Variants in ZSCAN31 observed in about 807,000 individuals in gnomAD.
The protein encoded by ZSCAN31 is zinc finger and SCAN domain containing 31, also known as zinc finger and SCAN domain-containing protein 31.
A neutral mutation model predicts 22.5 loss-of-function variants in ZSCAN31; 14 were observed. The observed-to-expected ratio is 0.62, with a 90% CI of 0.41 to 0.97. The LOEUF (loss-of-function observed/expected upper bound fraction) is 0.97, where lower values mean the gene tolerates loss of function less well. Among genes scored for constraint, ZSCAN31 ranks in the 50% least tolerant of loss-of-function variants. The pLI is 0.00. For synonymous variants in ZSCAN31, 168 were observed against 169.8 expected, an observed-to-expected ratio of 0.99 and a Z score of 0.08; for missense variants, 424 against 483.4, an observed-to-expected ratio of 0.88 and a Z score of 1.15.
At chr6:28,335,126 G>A (rs749695739) in intron 1 of ZSCAN31, among the ~76,000 whole-genome samples, 1 of 152,072 alleles carries the variant, frequency 6.6e-6, no homozygotes, top group African/African-American at 2.4e-5. Context: ...CCTGTGAAAG[G>A]GCTACCTAGC....
intron 1 of ZSCAN31, chr6:28,353,968 ATATGATTT>A: frequency 2.2e-6 from 1 of 454,726 alleles, no homozygotes; most frequent in Non-Finnish European, 4.4e-6. Flanking sequence ...GGCAGGTAAA[ATATGATTT>A]TATTCAGCAG....
chr6:28,336,166 C>G (rs1764153162), upstream of ZSCAN31: 1 of 152,344 alleles, frequency 6.6e-6, no homozygotes. Context: ...GGAAATGCGT[C>G]AGCCGTTCTG....
intron 3 of ZSCAN31, among the ~76,000 whole-genome samples, chr6:28,341,338 G>T (rs1428868633): frequency 6.6e-6 from 1 of 152,174 alleles, no homozygotes; most frequent in Non-Finnish European, 1.5e-5. Flanking sequence ...CCAAGGCCAA[G>T]GCAATAGCAG....
chr6:28,348,126 G>A (rs1395748187), intron 2 of ZSCAN31, among the ~76,000 whole-genome samples: 1 of 151,854 alleles, frequency 6.6e-6, no homozygotes, highest in East Asian at 1.9e-4. Flanking sequence ...CTGATCCTTT[G>A]TTGACTATAT....
chr6:28,347,155 C>T lies in ZSCAN31; in HGVS notation c.-370-5363G>A, dbSNP rs1411655675. ...GCTGGAGCCTCTCTTGTAACTGCAC[C>T]ACAGTTCAACTACTCTGCCTAGCCC... On this transcript the variant is annotated intron_variant, in intron 2 of 7. Transcript: ENST00000396838. This position sits in a 1 kb window ranked among gnomAD's most constrained non-coding sequence, Gnocchi z 5.2. Among the ~76,000 whole-genome samples the T allele has an allele frequency of 1.3e-5, 2 of 152,160 alleles. No homozygotes were observed. The highest frequency in any genetic ancestry group is 2.9e-5 in the Non-Finnish European group (2 of 68,018).
chr6:28,352,347 G>A (rs1357984686), intron 2 of ZSCAN31, among the ~76,000 whole-genome samples: 8 of 152,038 alleles, frequency 5.3e-5, no homozygotes, highest in African/African-American at 1.9e-4. Flanking sequence ...CCATCTCCCA[G>A]GCTCAAGTGA....
chr6:28,348,294 A>G (rs1764735728), intron 2 of ZSCAN31, among the ~76,000 whole-genome samples: 1 of 152,158 alleles, frequency 6.6e-6, no homozygotes, highest in South Asian at 2.1e-4. Context: ...ATCTTGTTTT[A>G]CTTGAGCTCA....
Position 28,345,453 on chromosome 6 carries a change from G to A in ZSCAN31, c.-370-3661C>T, listed in dbSNP as rs192010356. On this transcript the variant is annotated intron_variant, in intron 2 of 7. Coordinates refer to the ZSCAN31 transcript ENST00000396838. ...GGAGGCTATCTATGCCTAACAGCAT[G>A]GTCCCTCCCCGCTCAGTGGTGCCTG... is the stretch of plus-strand genomic sequence containing the variant. Among the ~76,000 whole-genome samples the A allele has an allele frequency of 3.9e-5, 6 of 152,276 alleles. No individual in the cohort carries two copies. The East Asian group carries it at 1.2e-3, about 29-fold the overall frequency.
upstream of ZSCAN31, chr6:28,356,181 A>T (rs1765409639): frequency 6.6e-6 from 1 of 152,244 alleles, no homozygotes; most frequent in Admixed American, 6.5e-5. Flanking sequence ...GTCAGTTCCC[A>T]ATCAAACAGG....
chr6:28,331,475 T>G lies in ZSCAN31; in HGVS notation c.-95-1697A>C, dbSNP rs1359405406. On this transcript the variant is annotated intron_variant, in intron 1 of 3. Transcript: ENST00000344279. The surrounding 1 kb of genome is among the most constrained non-coding windows in gnomAD (Gnocchi z 4.8). ...GGAACGGTCCCTAACTTTATGGTAT[T>G]TACCATGGGAAAGACAGACCTTAAT... Among the ~76,000 whole-genome samples the G allele has an allele frequency of 6.6e-6, 1 of 152,198 alleles. No homozygotes were observed. Among genetic ancestry groups the G allele is most frequent in the Non-Finnish European group, 1.5e-5 (1 of 68,026 alleles).
intron 1 of ZSCAN31, among the ~76,000 whole-genome samples, chr6:28,330,640 C>T (rs1284577239): frequency 1.3e-5 from 2 of 152,104 alleles, no homozygotes; most frequent in East Asian, 1.9e-4. Context: ...ACACTCTGGT[C>T]CCAAGCATTT....
chr6:28,343,629 T>C (rs1002713742), intron 2 of ZSCAN31, among the ~76,000 whole-genome samples: 8 of 146,288 alleles, frequency 5.5e-5, no homozygotes, highest in Non-Finnish European at 1.0e-4. Context: ...CTGCAAGCTC[T>C]GCCTCCCGGG....
chr6:28,340,926 C>T (rs370328381), upstream of ZSCAN31, among the ~76,000 whole-genome samples: 3 of 152,072 alleles, frequency 2.0e-5, no homozygotes, highest in South Asian at 2.1e-4. Flanking sequence ...GGTTGGTTGG[C>T]TTGCAGTGCA....
intron 3 of ZSCAN31, 133 bp from the exon 4 acceptor site, chr6:28,326,987 T>C (rs1475897969): frequency 2.1e-6 from 2 of 962,918 alleles, no homozygotes; most frequent in African/African-American, 1.7e-5. Flanking sequence ...AAGGAGCAGG[T>C]TGGGTTAAAC....
Position 28,326,855 on chromosome 6 carries a change from C to G in ZSCAN31, c.533-1G>C. The G allele has an allele frequency of 6.2e-7, 1 of 1,604,672 alleles. No individual in the cohort carries two copies. On this transcript the variant is annotated splice_acceptor_variant, in intron 3 of 3. Transcript: ENST00000344279. LOFTEE classifies it high-confidence loss of function. ...TGGTTCTCAGGTATACTTTCACCAT[C>G]TGGAATAATAAATGGACCAAACAAT...
At chr6:28,329,089 C>T (rs1394352369) in intron 2 of ZSCAN31, among the ~76,000 whole-genome samples, 1 of 152,212 alleles carries the variant, frequency 6.6e-6, no homozygotes, top group African/African-American at 2.4e-5. Flanking sequence ...CTGAGGCCCC[C>T]TACCAACAAT....
intron 2 of ZSCAN31, among the ~76,000 whole-genome samples, chr6:28,353,077 T>C (rs907045770): frequency 5.9e-5 from 9 of 151,666 alleles, no homozygotes; most frequent in African/African-American, 1.9e-4. Flanking sequence ...CAAGCGATTC[T>C]CCTGCCTCAG....
chr6:28,347,937 G>A lies in ZSCAN31; in HGVS notation c.-371+5925C>T, dbSNP rs1035969636. Among the ~76,000 whole-genome samples the A allele has an allele frequency of 6.6e-6, 1 of 152,140 alleles. No individual in the cohort carries two copies. ...TATTACTCAGGTGTTGGTATAAAATGATTTAAAATTTGCCTTTATTTAATT... is the reference window on the plus strand; with the variant it reads ...TATTACTCAGGTGTTGGTATAAAATAATTTAAAATTTGCCTTTATTTAATT... On this transcript the variant is annotated intron_variant, in intron 2 of 7. Transcript: ENST00000396838. The surrounding 1 kb of genome is among the most constrained non-coding windows in gnomAD (Gnocchi z 5.2).
Position 28,326,622 on chromosome 6 carries a change from A to G in ZSCAN31, c.765T>C (p.Ile255=), listed in dbSNP as rs759360476. ...CCCCAGTGTGGATTCTCTGGTGCTCAATGAGTACTGAACTCTTAGTGAAGC... is the reference window on the plus strand; with the variant it reads ...CCCCAGTGTGGATTCTCTGGTGCTCGATGAGTACTGAACTCTTAGTGAAGC... ...GKSFTKSSVL[I]EHQRIHTGEK... is the part of the protein sequence containing the mutation. Residue 255 remains isoleucine, a synonymous_variant, in exon 4 of 4, where the codon ATT becomes ATC. Transcript: ENST00000344279. 1 of 1,614,096 alleles carries G rather than the reference A, an allele frequency of 6.2e-7. No homozygotes were observed. The highest frequency in any genetic ancestry group is 8.5e-7 in the Non-Finnish European group (1 of 1,180,028).
Sources: allele counts gnomAD v4.1 joint callset (sites outside exome capture counted in the v4.1 genomes callset), GRCh38; gene constraint gnomAD v4.1.1; non-coding constraint Gnocchi (gnomAD v3.1); transcripts MANE v1.5; gene names NCBI Gene and HGNC (gene_info 2026-07-23, HGNC 2026-07-21).